The following LPAR1 variants were observed in gnomAD, a reference collection of about 807,000 sequenced individuals.
LPAR1 encodes LPA receptor 1.
LPAR1 carries 5 observed loss-of-function variants against 23.8 expected under a neutral mutation model. The observed-to-expected ratio is 0.21, with a 90% CI of 0.11 to 0.44. The LOEUF is 0.44. Among genes scored for constraint, LPAR1 ranks in the 20% least tolerant of loss-of-function variants. The pLI, the probability that LPAR1 is intolerant of heterozygous loss-of-function variation, is 0.99. For missense variants in LPAR1, 311 were observed against 482.8 expected, an observed-to-expected ratio of 0.64 and a Z score of 3.33; for synonymous variants, 160 against 164.7, an observed-to-expected ratio of 0.97 and a Z score of 0.22.
chr9:110,878,129 G>GT (rs1256553872), intron 5 of LPAR1, among the ~76,000 whole-genome samples: 1 of 152,092 alleles, frequency 6.6e-6, no homozygotes, highest in Non-Finnish European at 1.5e-5. Flanking sequence ...AAAGGAACTG[G>GT]TTTTTGTACT....
At chr9:110,950,368 G>A (rs1411965847) in intron 4 of LPAR1, among the ~76,000 whole-genome samples, 1 of 151,536 alleles carries the variant, frequency 6.6e-6, no homozygotes, top group Non-Finnish European at 1.5e-5. Context: ...GGGAGGCTGA[G>A]GCATGAGAAT....
chr9:110,927,103 T>A (rs969492081), intron 5 of LPAR1, among the ~76,000 whole-genome samples: 1 of 152,198 alleles, frequency 6.6e-6, no homozygotes, highest in African/African-American at 2.4e-5. Flanking sequence ...GTGGTACAGA[T>A]AAAGAAGTTG....
At chr9:110,880,862 G>A (rs897539085) in intron 5 of LPAR1, among the ~76,000 whole-genome samples, 1 of 152,132 alleles carries the variant, frequency 6.6e-6, no homozygotes, top group Non-Finnish European at 1.5e-5. Flanking sequence ...CATCTCTGTA[G>A]TTACGTTGTG....
At chr9:110,996,316 C>A (rs1431542121) in intron 2 of LPAR1, among the ~76,000 whole-genome samples, 1 of 151,990 alleles carries the variant, frequency 6.6e-6, no homozygotes. Flanking sequence ...CAACACTCTC[C>A]GAGGCCAAGG....
At chr9:110,981,114 G>C (rs984370261) in intron 2 of LPAR1, among the ~76,000 whole-genome samples, 1 of 152,114 alleles carries the variant, frequency 6.6e-6, no homozygotes, top group Non-Finnish European at 1.5e-5. Context: ...ATTAATCAGA[G>C]GTACTTGATA....
intron 2 of LPAR1, among the ~76,000 whole-genome samples, chr9:111,013,594 T>C (rs2097376745): frequency 6.6e-6 from 1 of 152,172 alleles, no homozygotes; most frequent in African/African-American, 2.4e-5. Flanking sequence ...GGCTATAACC[T>C]GTCAAACATT....
At position 110,974,032 on chromosome 9, in the gene LPAR1, G is replaced by T. The variant is rs545967574; in HGVS notation, c.-181-474C>A. On this transcript the variant is annotated intron_variant, in intron 2 of 5. Coordinates refer to ENST00000683809, the MANE Select transcript of LPAR1 (RefSeq NM_001351411.2). Reference sequence around the variant, plus strand: ...CTTAAAATATAAAAATTAGCTGGGCGTGGTGGCACACACCTACTCAGGAGG... The same window carrying T: ...CTTAAAATATAAAAATTAGCTGGGCTTGGTGGCACACACCTACTCAGGAGG... 1.1e-3 allele frequency among the ~76,000 whole-genome samples: 164 copies of T among 152,106 alleles called. 1 individual carries two copies. Among genetic ancestry groups the T allele is most frequent in the African/African-American group, 3.7e-3 (154 of 41,524 alleles).
intron 5 of LPAR1, among the ~76,000 whole-genome samples, chr9:110,879,145 G>A (rs998314955): frequency 3.3e-5 from 5 of 152,260 alleles, no homozygotes; most frequent in African/African-American, 4.8e-5. Flanking sequence ...GGCCCGGTGC[G>A]GGAGCTCACG....
intron 4 of LPAR1, among the ~76,000 whole-genome samples, chr9:110,943,346 T>C (rs2095243585): frequency 6.6e-6 from 1 of 151,922 alleles, no homozygotes; most frequent in Admixed American, 6.6e-5. Flanking sequence ...TATGACACTT[T>C]TAACCACTAT....
chr9:110,952,643 C>G (rs942532680), intron 4 of LPAR1, among the ~76,000 whole-genome samples: 6 of 152,176 alleles, frequency 3.9e-5, no homozygotes, highest in Admixed American at 3.9e-4. Flanking sequence ...ATAGCTGCTA[C>G]CTGGGGCTGA....
chr9:111,026,118 C>T (rs2097687057), intron 2 of LPAR1, among the ~76,000 whole-genome samples: 1 of 152,108 alleles, frequency 6.6e-6, no homozygotes, highest in African/African-American at 2.4e-5. Flanking sequence ...CTACTTTGGG[C>T]AGTAGGGCCA....
At chr9:110,909,910 G>A (rs1206451831) in intron 5 of LPAR1, among the ~76,000 whole-genome samples, 3 of 151,718 alleles carry the variant, frequency 2.0e-5, no homozygotes, top group Non-Finnish European at 4.4e-5. Context: ...ACCATGCTCG[G>A]CTAATTTTTT....
intron 2 of LPAR1, among the ~76,000 whole-genome samples, chr9:111,023,515 TG>T (rs1203500415): frequency 6.6e-6 from 1 of 151,956 alleles, no homozygotes; most frequent in Non-Finnish European, 1.5e-5. Flanking sequence ...TACATTTGGA[TG>T]TTTTTTTTTT....
intron 2 of LPAR1, among the ~76,000 whole-genome samples, chr9:111,030,086 C>CAA (rs2097770177): frequency 1.3e-5 from 2 of 150,812 alleles, no homozygotes; most frequent in South Asian, 4.2e-4. Context: ...TGTCCTCAGC[C>CAA]AAACGTAAGG....
intron 5 of LPAR1, among the ~76,000 whole-genome samples, chr9:110,931,226 T>A (rs1432304010): frequency 1.3e-5 from 2 of 152,220 alleles, no homozygotes; most frequent in Non-Finnish European, 2.9e-5. Flanking sequence ...CATCTTGAAG[T>A]CTTTTCCAGA....
chr9:110,945,529 C>T (rs1224493458), intron 4 of LPAR1: 2 of 152,100 alleles, frequency 1.3e-5, no homozygotes, highest in Non-Finnish European at 2.9e-5. Flanking sequence ...ATAGAACAAG[C>T]CATTATGAAG....
intron 5 of LPAR1, among the ~76,000 whole-genome samples, chr9:110,900,582 C>T (rs1164970626): frequency 6.6e-6 from 1 of 152,166 alleles, no homozygotes; most frequent in Non-Finnish European, 1.5e-5. Flanking sequence ...ATAAATTCAT[C>T]TAAGGAAGAA....
At chr9:110,960,467 T>G (rs2095925367) in intron 4 of LPAR1, among the ~76,000 whole-genome samples, 1 of 152,148 alleles carries the variant, frequency 6.6e-6, no homozygotes, top group South Asian at 2.1e-4. Context: ...GCTAATGGAA[T>G]TAGGAAGGAG....
At chr9:110,990,416 A>G (rs927447793) in intron 2 of LPAR1, among the ~76,000 whole-genome samples, 3 of 152,164 alleles carry the variant, frequency 2.0e-5, no homozygotes, top group African/African-American at 7.2e-5. Flanking sequence ...CCACACTTAA[A>G]TTATCAATAA....
Sources: allele counts gnomAD v4.1 joint callset (sites outside exome capture counted in the v4.1 genomes callset), GRCh38; gene constraint gnomAD v4.1.1; transcripts MANE v1.5; gene names NCBI Gene and HGNC (gene_info 2026-07-23, HGNC 2026-07-21).